AP4S1: variants seen among roughly 807,000 people sequenced by gnomAD.
AP4S1 encodes the protein adaptor related protein complex 4 subunit sigma 1, also known as AP-4 complex subunit sigma-1.
A neutral mutation model predicts 19.8 loss-of-function variants in AP4S1; 23 were observed. The ratio of observed to expected loss-of-function variants is 1.16; its 90% CI spans 0.84 to 1.65. The LOEUF is 1.65. Among genes scored for constraint, AP4S1 ranks in the 40% most tolerant of loss-of-function variants. The pLI is 0.00. For missense variants in AP4S1, 166 were observed against 172.8 expected (o/e 0.96, Z 0.22); for synonymous variants, 46 against 54.1 (o/e 0.85, Z 0.66).
At chr14:31,089,165 A>G (rs1163256976) in intron 5 of AP4S1, among the ~76,000 whole-genome samples, 3 of 91,572 alleles carry the variant, frequency 3.3e-5, no homozygotes, top group African/African-American at 9.2e-5. Flanking sequence ...GTCTTAACCA[A>G]AAAAAAAAAA....
intron 1 of AP4S1, among the ~76,000 whole-genome samples, chr14:31,049,437 ATATATATATATATATATATATATATG>A (rs1885634931): frequency 2.4e-5 from 1 of 42,034 alleles, no homozygotes; most frequent in African/African-American, 1.2e-4. Flanking sequence ...AAATATATAT[ATATATATATATATATATATATATATG>A]TATATATATG....
intron 1 of AP4S1, among the ~76,000 whole-genome samples, chr14:31,063,162 G>A (rs1031977858): frequency 6.6e-6 from 1 of 152,084 alleles, no homozygotes; most frequent in Non-Finnish European, 1.5e-5. Flanking sequence ...CGAGCGCAGT[G>A]ACTCATGCCT....
At chr14:31,074,003 TA>T (rs1278593906) in intron 4 of AP4S1, among the ~76,000 whole-genome samples, 4 of 152,100 alleles carry the variant, frequency 2.6e-5, no homozygotes, top group Admixed American at 2.6e-4. Context: ...TATATTGAAA[TA>T]TATTTTATGT....
intron 1 of AP4S1, among the ~76,000 whole-genome samples, chr14:31,049,426 AAAATATATATATATATAT>A (rs1342799052): frequency 2.3e-5 from 1 of 43,048 alleles, no homozygotes; most frequent in African/African-American, 1.2e-4. Flanking sequence ...AAAAAAAAAA[AAAATATATATATATATAT>A]ATATATATAT....
chr14:31,033,624 A>G (rs545148832), intron 1 of AP4S1, among the ~76,000 whole-genome samples: 2 of 152,368 alleles, frequency 1.3e-5, no homozygotes, highest in South Asian at 2.1e-4. Flanking sequence ...TGTTTAATGC[A>G]TGTGTAACAG....
Position 31,080,571 on chromosome 14 carries a change from A to T in AP4S1, c.295-2A>T. 1 of 1,612,140 alleles carries T rather than the reference A, an allele frequency of 6.2e-7. No homozygotes were observed. Among genetic ancestry groups the T allele is most frequent in the South Asian group, 1.1e-5 (1 of 91,008 alleles). ...CCCTTGCACTCTTTTTCTGTCTTCC[A>T]GAGTGAATTAGATGTATCCTTTTTC... is the stretch of plus-strand genomic sequence containing the variant. On this transcript the variant is annotated splice_acceptor_variant, in intron 4 of 5. Coordinates refer to ENST00000542754, the MANE Select transcript of AP4S1 (RefSeq NM_001128126.3). LOFTEE classifies it high-confidence loss of function.
intron 1 of AP4S1, among the ~76,000 whole-genome samples, chr14:31,039,636 G>A (rs1251557088): frequency 6.7e-6 from 1 of 148,246 alleles, no homozygotes; most frequent in East Asian, 2.0e-4. Context: ...GCAGTGGCGC[G>A]ATCTCGACTC....
chr14:31,037,159 T>C (rs546120159), intron 1 of AP4S1, among the ~76,000 whole-genome samples: 25 of 152,002 alleles, frequency 1.6e-4, no homozygotes, highest in Admixed American at 6.6e-4. Context: ...TGCCTTGCCT[T>C]ACACACATGC....
intron 1 of AP4S1, among the ~76,000 whole-genome samples, chr14:31,060,041 A>ATATATATT (rs974966001): frequency 6.8e-6 from 1 of 146,770 alleles, no homozygotes; most frequent in Non-Finnish European, 1.5e-5. Context: ...GTATATATGT[A>ATATATATT]TATATATTTA....
In AP4S1 at chr14:31,041,914, C is replaced by T. The variant is rs112932801; in HGVS notation, c.-72+16127C>T. 1.1e-4 allele frequency among the ~76,000 whole-genome samples: 16 copies of T among 152,268 alleles called. 1 individual carries two copies. In the East Asian group the frequency reaches 1.2e-3, roughly 11 times the overall value. On this transcript the variant is annotated intron_variant, in intron 1 of 5. Transcript: ENST00000542754. Reference sequence around the variant, plus strand: ...CTGCATCTCTGCTCACTGCAGCCTCCGCCTCCCAGGTTCAAGCAATTCCCC... The same window carrying T: ...CTGCATCTCTGCTCACTGCAGCCTCTGCCTCCCAGGTTCAAGCAATTCCCC...
In AP4S1 at chr14:31,080,155, C is replaced by G. The variant is rs138406832; in HGVS notation, c.295-418C>G. Reference sequence around the variant, plus strand: ...TATCCATAATTTGCTATTACAAACACCATTACCCTGAATATCCTGTCATAT... The same window carrying G: ...TATCCATAATTTGCTATTACAAACAGCATTACCCTGAATATCCTGTCATAT... On this transcript the variant is annotated intron_variant, in intron 4 of 5. Transcript: ENST00000542754. Among the ~76,000 whole-genome samples, 293 of 152,288 alleles carry G rather than the reference C, an allele frequency of 1.9e-3. 2 individuals are homozygous for G. The highest frequency in any genetic ancestry group is 6.7e-3 in the African/African-American group (279 of 41,556).
At chr14:31,080,992 A>G (rs1239538801) in intron 5 of AP4S1, among the ~76,000 whole-genome samples, 1 of 152,060 alleles carries the variant, frequency 6.6e-6, no homozygotes, top group Non-Finnish European at 1.5e-5. Context: ...GGGTTTCACC[A>G]TGTTGGCCAG....
chr14:31,032,523 A>ATT (rs775316642), intron 1 of AP4S1, among the ~76,000 whole-genome samples: 16,188 of 138,886 alleles, frequency 0.12, 1,157 homozygotes, highest in South Asian at 0.26. Context: ...CAGAATGTAC[A>ATT]TTTTTTTTTT....
chr14:31,046,585 C>CCTGT (rs1363642681), intron 1 of AP4S1, among the ~76,000 whole-genome samples: 1 of 152,114 alleles, frequency 6.6e-6, no homozygotes, highest in Non-Finnish European at 1.5e-5. Flanking sequence ...GTAGCTCACG[C>CCTGT]CTGTTATCCC....
rs539642672 is a variant in AP4S1, at chr14:31,073,243, C to A, written c.294+270C>A. On this transcript the variant is annotated intron_variant, in intron 4 of 5. Coordinates refer to ENST00000542754, the MANE Select transcript of AP4S1 (RefSeq NM_001128126.3). ...CGATGGCTCACGCCTGTAATCCCAGCACTTTGGGAGGCTAAGGTGGGCAGA... is the reference window on the plus strand; with the variant it reads ...CGATGGCTCACGCCTGTAATCCCAGAACTTTGGGAGGCTAAGGTGGGCAGA... 119 of 372,786 alleles carry A rather than the reference C, an allele frequency of 3.2e-4. 2 individuals carry two copies. The highest frequency in any genetic ancestry group is 2.8e-3 in the South Asian group (119 of 42,186). The allele number at this position is 372,786 out of a possible 1,614,324, so 23.1% of individuals were successfully genotyped here. A position where few individuals can be genotyped will look rare whatever the true frequency, so the allele number is the denominator to read the frequency against.
intron 1 of AP4S1, among the ~76,000 whole-genome samples, chr14:31,041,211 G>T (rs527518271): frequency 6.6e-6 from 1 of 151,866 alleles, no homozygotes; most frequent in Non-Finnish European, 1.5e-5. Flanking sequence ...GTGCAGTGGC[G>T]TAATCTCTGC....
chr14:31,049,970 G>T (rs1885690265), intron 1 of AP4S1, among the ~76,000 whole-genome samples: 1 of 152,136 alleles, frequency 6.6e-6, no homozygotes, highest in South Asian at 2.1e-4. Flanking sequence ...CGCCTAGACT[G>T]GAGTGCAGTG....
chr14:31,032,024 T>A (rs1305530405), intron 1 of AP4S1, among the ~76,000 whole-genome samples: 5 of 145,484 alleles, frequency 3.4e-5, no homozygotes, highest in African/African-American at 1.3e-4. Flanking sequence ...TGAGCTATGA[T>A]CACACCACTG....
intron 1 of AP4S1, among the ~76,000 whole-genome samples, chr14:31,039,271 C>T (rs1884958071): frequency 6.6e-6 from 1 of 151,808 alleles, no homozygotes; most frequent in Non-Finnish European, 1.5e-5. Context: ...CTGCAACCTC[C>T]ACCTCCCAGG....
Sources: gnomAD v4.1 joint callset for allele counts (sites outside exome capture counted in the v4.1 genomes callset) on GRCh38, gnomAD v4.1.1 for gene constraint, MANE v1.5 for transcripts, NCBI Gene and HGNC (gene_info 2026-07-23, HGNC 2026-07-21) for gene names.